Variants in L3MBTL4 observed in about 807,000 individuals in gnomAD.
L3MBTL4 encodes the protein lethal(3)malignant brain tumor-like protein 4.
A neutral mutation model predicts 84.5 loss-of-function variants in L3MBTL4; 70 were observed. The observed-to-expected ratio is 0.83, with a 90% CI of 0.68 to 1.01. The LOEUF is 1.01. Ranked by LOEUF, L3MBTL4 falls within the 50% of genes least tolerant of loss-of-function variation. L3MBTL4 has a pLI of 0.00. For synonymous variants in L3MBTL4, 274 were observed against 259.8 expected, an observed-to-expected ratio of 1.05 and a Z score of -0.52; for missense variants, 715 against 754.8, an observed-to-expected ratio of 0.95 and a Z score of 0.62.
At chr18:6,068,463 G>A (rs965591398) in intron 16 of L3MBTL4, among the ~76,000 whole-genome samples, 2 of 152,184 alleles carry the variant, frequency 1.3e-5, no homozygotes, top group Non-Finnish European at 2.9e-5. Context: ...TGCCAGGCAA[G>A]CAGGAAAGCT....
At chr18:6,163,276 T>TGG (rs2043447773) in intron 13 of L3MBTL4, among the ~76,000 whole-genome samples, 1 of 102,546 alleles carries the variant, frequency 9.8e-6, no homozygotes, top group Non-Finnish European at 1.9e-5. Context: ...GGGGTGGGTG[T>TGG]GTGTGTGTGT....
intron 11 of L3MBTL4, among the ~76,000 whole-genome samples, chr18:6,215,084 T>C (rs1000810003): frequency 6.6e-6 from 1 of 152,196 alleles, no homozygotes; most frequent in Non-Finnish European, 1.5e-5. Flanking sequence ...AATGAAATTA[T>C]ATGCAGAAGC....
chr18:6,038,991 C>A (rs1482650189), intron 16 of L3MBTL4, among the ~76,000 whole-genome samples: 1 of 151,958 alleles, frequency 6.6e-6, no homozygotes, highest in Non-Finnish European at 1.5e-5. Context: ...AGCACCTACT[C>A]TCTCTCTTTC....
chr18:6,045,672 C>T (rs1279310055), intron 16 of L3MBTL4, among the ~76,000 whole-genome samples: 2 of 152,208 alleles, frequency 1.3e-5, no homozygotes, highest in Admixed American at 1.3e-4. Flanking sequence ...CCACTGGGTC[C>T]CTCCCACAAC....
At chr18:6,373,575 G>GCTCTA (rs1417153343) in intron 1 of L3MBTL4, among the ~76,000 whole-genome samples, 9 of 152,220 alleles carry the variant, frequency 5.9e-5, no homozygotes, top group African/African-American at 2.2e-4. Context: ...AAGAGAAGTC[G>GCTCTA]CTCTACCCAA....
chr18:6,346,366 T>C (rs1301164335), intron 1 of L3MBTL4, among the ~76,000 whole-genome samples: 1 of 151,840 alleles, frequency 6.6e-6, no homozygotes, highest in Non-Finnish European at 1.5e-5. Context: ...AAAAAACTTC[T>C]ACACGGCAAA....
At chr18:6,350,319 G>A (rs7235290) in intron 1 of L3MBTL4, among the ~76,000 whole-genome samples, 22,547 of 152,066 alleles carry the variant, frequency 0.15, 1,809 homozygotes, top group African/African-American at 0.2. Flanking sequence ...GCAATCCACC[G>A]AATGGGAGAA....
At chr18:6,332,863 G>A (rs887346528) in intron 1 of L3MBTL4, among the ~76,000 whole-genome samples, 3 of 152,190 alleles carry the variant, frequency 2.0e-5, no homozygotes, top group Non-Finnish European at 4.4e-5. Context: ...AATGTTGAAA[G>A]CTAGAAAGCA....
chr18:6,343,799 T>C (rs2052733800), intron 1 of L3MBTL4, among the ~76,000 whole-genome samples: 1 of 151,624 alleles, frequency 6.6e-6, no homozygotes, highest in South Asian at 2.1e-4. Flanking sequence ...TGCTCCTGAA[T>C]AACCAATTGG....
intron 1 of L3MBTL4, among the ~76,000 whole-genome samples, chr18:6,351,128 G>A (rs34425306): frequency 8.1e-4 from 123 of 152,164 alleles, no homozygotes; most frequent in African/African-American, 2.6e-3. Flanking sequence ...CGAGGGAGGC[G>A]GAGGTTGCAG....
At chr18:6,086,671 T>A (rs1231296442) in intron 15 of L3MBTL4, among the ~76,000 whole-genome samples, 1 of 152,196 alleles carries the variant, frequency 6.6e-6, no homozygotes, top group East Asian at 1.9e-4. Flanking sequence ...CCTTAGTGGC[T>A]GGGCCCTTTA....
chr18:6,163,882 C>A (rs1301010286), intron 13 of L3MBTL4, among the ~76,000 whole-genome samples: 2 of 152,116 alleles, frequency 1.3e-5, no homozygotes, highest in Non-Finnish European at 2.9e-5. Context: ...CAGGGCGAGG[C>A]ATCAACTCAC....
chr18:6,090,674 C>A (rs2058422581), intron 15 of L3MBTL4, among the ~76,000 whole-genome samples: 1 of 150,030 alleles, frequency 6.7e-6, no homozygotes. Flanking sequence ...GTCACCTAAG[C>A]TAGAATGCAA....
At chr18:6,283,888 A>G (rs962173119) in intron 4 of L3MBTL4, among the ~76,000 whole-genome samples, 14 of 152,236 alleles carry the variant, frequency 9.2e-5, no homozygotes, top group Non-Finnish European at 2.1e-4. Flanking sequence ...TTTCAAATAT[A>G]AAAAGAAGTC....
At chr18:6,308,830 G>C (rs968159000) in intron 3 of L3MBTL4, among the ~76,000 whole-genome samples, 2 of 152,146 alleles carry the variant, frequency 1.3e-5, no homozygotes, top group Non-Finnish European at 2.9e-5. Flanking sequence ...GGGGTTTAGT[G>C]TATGTGTGAG....
intron 1 of L3MBTL4, among the ~76,000 whole-genome samples, chr18:6,322,344 A>AG (rs2051450177): frequency 6.6e-6 from 1 of 151,878 alleles, no homozygotes; most frequent in Non-Finnish European, 1.5e-5. Context: ...TCTCAAAAAA[A>AG]GAAAAGAAAG....
Position 6,243,445 on chromosome 18 carries a change from T to C in L3MBTL4, c.325-16A>G. ...AACCACAAACCTGCAAGATAGAAAG[T>C]TTACAATCATTCGTTAAGTGTCATA... On this transcript the variant is annotated splice_polypyrimidine_tract_variant and intron_variant, in intron 6 of 18. Coordinates refer to ENST00000317931, the MANE Select transcript of L3MBTL4 (RefSeq NM_001330559.2). The C allele has an allele frequency of 1.3e-6, 2 of 1,568,580 alleles. No individual in the cohort carries two copies. The highest frequency in any genetic ancestry group is 1.7e-6 in the Non-Finnish European group (2 of 1,160,218).
chr18:6,153,954 AAC>A (rs1205376414), intron 13 of L3MBTL4, among the ~76,000 whole-genome samples: 4 of 152,212 alleles, frequency 2.6e-5, no homozygotes, highest in Non-Finnish European at 5.9e-5. Context: ...GCAGTGTGAA[AAC>A]AGACTAATAC....
intron 1 of L3MBTL4, among the ~76,000 whole-genome samples, chr18:6,355,244 A>G (rs1364226883): frequency 6.6e-6 from 1 of 152,246 alleles, no homozygotes; most frequent in Non-Finnish European, 1.5e-5. Flanking sequence ...TCCTTTCCAC[A>G]TGATGTGATT....
Sources: allele counts gnomAD v4.1 joint callset (sites outside exome capture counted in the v4.1 genomes callset), GRCh38; gene constraint gnomAD v4.1.1; transcripts MANE v1.5; gene names NCBI Gene and HGNC (gene_info 2026-07-23, HGNC 2026-07-21).